The following PRKN variants were observed in gnomAD, a reference collection of about 807,000 sequenced individuals.
PRKN encodes E3 ubiquitin-protein ligase parkin.
A neutral mutation model predicts 59.5 loss-of-function variants in PRKN; 56 were observed. That is an observed-to-expected ratio of 0.94 (90% CI 0.76 to 1.18). PRKN has a LOEUF of 1.18. PRKN is among the 50% of genes most tolerant of loss of function. The pLI is 0.00. For missense variants in PRKN, 657 were observed against 596.4 expected, an observed-to-expected ratio of 1.10 and a Z score of -1.06; for synonymous variants, 250 against 222.1, an observed-to-expected ratio of 1.13 and a Z score of -1.12.
chr6:162,108,858 C>A (rs1424346741), intron 4 of PRKN, among the ~76,000 whole-genome samples: 2 of 152,098 alleles, frequency 1.3e-5, no homozygotes, highest in African/African-American at 4.8e-5. Context: ...CAGGTGAGAC[C>A]CACAACTGGG....
intron 1 of PRKN, among the ~76,000 whole-genome samples, chr6:162,526,456 C>G (rs1351594602): frequency 2.0e-5 from 3 of 151,706 alleles, no homozygotes; most frequent in Non-Finnish European, 4.4e-5. Flanking sequence ...TCAACTCCAG[C>G]CTGGCCAACA....
chr6:162,142,427 T>C (rs1203668978), intron 4 of PRKN, among the ~76,000 whole-genome samples: 2 of 152,138 alleles, frequency 1.3e-5, no homozygotes, highest in Non-Finnish European at 1.5e-5. Context: ...ATTTGAATAA[T>C]GGAGATGAGC....
chr6:162,567,025 A>C (rs1002497238), intron 1 of PRKN, among the ~76,000 whole-genome samples: 1 of 152,210 alleles, frequency 6.6e-6, no homozygotes, highest in African/African-American at 2.4e-5. Context: ...TGATGATTTC[A>C]ATTGATGCTG....
chr6:161,804,069 C>T (rs1353422430), intron 6 of PRKN, among the ~76,000 whole-genome samples: 2 of 152,178 alleles, frequency 1.3e-5, no homozygotes, highest in African/African-American at 4.8e-5. Flanking sequence ...GACGGTAACA[C>T]ATAGCAAGTG....
At chr6:162,677,860 A>T (rs897533381) in intron 1 of PRKN, among the ~76,000 whole-genome samples, 9 of 152,194 alleles carry the variant, frequency 5.9e-5, no homozygotes, top group African/African-American at 2.2e-4. Context: ...ACAATTTGAC[A>T]TATTTGGACA....
intron 1 of PRKN, among the ~76,000 whole-genome samples, chr6:162,607,025 G>T (rs529245002): frequency 6.6e-6 from 1 of 150,850 alleles, no homozygotes; most frequent in African/African-American, 2.4e-5. Flanking sequence ...GTTATTTATT[G>T]AAACAAAAAC....
chr6:162,451,377 A>AAAG, intron 1 of PRKN, among the ~76,000 whole-genome samples: 1 of 151,758 alleles, frequency 6.6e-6, no homozygotes, highest in Middle Eastern at 3.4e-3. Context: ...TAAAAAAAAA[A>AAAG]AAAAAAAAAT....
In PRKN at chr6:161,498,056, C is replaced by T. The variant is rs1302960149; in HGVS notation, c.1083+50798G>A. 6.6e-6 allele frequency among the ~76,000 whole-genome samples: 1 copy of T among 152,128 alleles called. No homozygotes were observed. The highest frequency in any genetic ancestry group is 1.5e-5 in the Non-Finnish European group (1 of 68,036). ...TCTAATTTTCCACAGTGGGAGGACT[C>T]ACAAGCACTGAGACTGGCTTTTTTC... On this transcript the variant is annotated intron_variant, in intron 9 of 11. Transcript: ENST00000366898. This position sits in a 1 kb window ranked among gnomAD's most constrained non-coding sequence, Gnocchi z 4.2.
At chr6:161,906,705 CTCACAAGA>C (rs1037832688) in intron 6 of PRKN, among the ~76,000 whole-genome samples, 6 of 120,904 alleles carry the variant, frequency 5.0e-5, no homozygotes, top group Non-Finnish European at 1.1e-4. Flanking sequence ...GTAGTATTGA[CTCACAAGA>C]TCACAAGATA....
intron 2 of PRKN, among the ~76,000 whole-genome samples, chr6:162,386,049 A>T (rs1395308816): frequency 6.6e-6 from 1 of 152,158 alleles, no homozygotes; most frequent in Non-Finnish European, 1.5e-5. Flanking sequence ...TTAAAAAAAG[A>T]GGTGCCTATG....
rs1276828354 is a variant in PRKN, at chr6:162,597,345, C to CTTTTCTACTA, written c.7+130307_7+130316dup. Among the ~76,000 whole-genome samples, 6 of 152,170 alleles carry CTTTTCTACTA rather than the reference C, an allele frequency of 3.9e-5. No homozygotes were observed. In the East Asian group the frequency reaches 1.2e-3, roughly 29 times the overall value. On this transcript the variant is annotated intron_variant, in intron 1 of 11. Coordinates refer to ENST00000366898, the MANE Select transcript of PRKN (RefSeq NM_004562.3). ...CCAGGATAATTTAACAGACTTTAAA[C>CTTTTCTACTA]TTTTCTACTATTTTAGATGTATTTT...
intron 9 of PRKN, among the ~76,000 whole-genome samples, chr6:161,520,649 G>A (rs1535055): frequency 0.71 from 107,777 of 151,450 alleles, 38,439 homozygotes; most frequent in Middle Eastern, 0.8. Context: ...ATTCCCTAAA[G>A]TTTGAGTCCT....
intron 7 of PRKN, among the ~76,000 whole-genome samples, chr6:161,598,622 A>C (rs1224174660): frequency 6.6e-6 from 1 of 152,188 alleles, no homozygotes; most frequent in Non-Finnish European, 1.5e-5. Flanking sequence ...ATCTTTCTCT[A>C]ATTCATTAGC....
chr6:161,612,258 A>T (rs951338292), intron 7 of PRKN, among the ~76,000 whole-genome samples: 1 of 152,236 alleles, frequency 6.6e-6, no homozygotes. Context: ...CAGGTTTTCA[A>T]TGTAGATGAA....
chr6:161,896,251 CTG>C (rs1777622855), intron 6 of PRKN, among the ~76,000 whole-genome samples: 1 of 152,224 alleles, frequency 6.6e-6, no homozygotes, highest in African/African-American at 2.4e-5. Context: ...TGGGCAGACT[CTG>C]TGACTACTCT....
At chr6:161,700,385 T>G (rs1435415880) in intron 7 of PRKN, among the ~76,000 whole-genome samples, 2 of 152,136 alleles carry the variant, frequency 1.3e-5, no homozygotes, top group African/African-American at 4.8e-5. Flanking sequence ...CCACCAAAGT[T>G]TGGCTTCAGT....
intron 1 of PRKN, among the ~76,000 whole-genome samples, chr6:162,685,945 C>T (rs561335126): frequency 2.6e-5 from 4 of 152,120 alleles, no homozygotes; most frequent in Non-Finnish European, 5.9e-5. Flanking sequence ...GGAACCTCTG[C>T]TTTGCATGCA....
At chr6:161,954,904 CT>C (rs1455961444) in intron 6 of PRKN, among the ~76,000 whole-genome samples, 2 of 152,160 alleles carry the variant, frequency 1.3e-5, no homozygotes, top group African/African-American at 4.8e-5. Flanking sequence ...TTCTTCCTTC[CT>C]TTATCAAAAT....
chr6:162,472,005 T>C (rs1791770528), intron 1 of PRKN, among the ~76,000 whole-genome samples: 1 of 152,166 alleles, frequency 6.6e-6, no homozygotes, highest in Non-Finnish European at 1.5e-5. Flanking sequence ...TGAGAATAAA[T>C]ACTTTCCTGA....
Sources: gnomAD v4.1 joint callset for allele counts (sites outside exome capture counted in the v4.1 genomes callset) on GRCh38, gnomAD v4.1.1 for gene constraint, Gnocchi (gnomAD v3.1) non-coding constraint, MANE v1.5 for transcripts, NCBI Gene and HGNC (gene_info 2026-07-23, HGNC 2026-07-21) for gene names.